The following LRRC4C variants were observed in gnomAD, a reference collection of about 807,000 sequenced individuals.
The protein encoded by LRRC4C is leucine-rich repeat-containing protein 4C.
LRRC4C carries 5 observed loss-of-function variants against 33.6 expected under a neutral mutation model. The observed-to-expected ratio is 0.15, with a 90% confidence interval of 0.08 to 0.31. The LOEUF (loss-of-function observed/expected upper bound fraction) is 0.31. Among genes scored for constraint, LRRC4C ranks in the 10% least tolerant of loss-of-function variants. The probability of loss-of-function intolerance (pLI) is 1.00; values close to 1 mark genes in which losing one functional copy is unlikely to be tolerated. For synonymous variants in LRRC4C, 329 were observed against 302.0 expected, an observed-to-expected ratio of 1.09 and a Z score of -0.93; for missense variants, 560 against 796.7, an observed-to-expected ratio of 0.70 and a Z score of 3.58.
At chr11:40,144,358 A>T (rs1857575503) in intron 5 of LRRC4C, among the ~76,000 whole-genome samples, 1 of 152,168 alleles carries the variant, frequency 6.6e-6, no homozygotes, top group Non-Finnish European at 1.5e-5. Flanking sequence ...TTGTTTATTG[A>T]GCACTGTTCG....
intron 1 of LRRC4C, among the ~76,000 whole-genome samples, chr11:41,210,467 C>G (rs1005137471): frequency 1.3e-5 from 2 of 152,144 alleles, no homozygotes; most frequent in Non-Finnish European, 2.9e-5. Flanking sequence ...ATTGTGAGCC[C>G]TCCCCAGCCA....
At position 40,552,883 on chromosome 11, in the gene LRRC4C, A is replaced by C. The variant is rs563637320; in HGVS notation, c.-270+95259T>G. ...GATGTGCCAGCCAACAAAGCTTCTG[A>C]GATGTAATAATCATTTTAGTCTTGA... On this transcript the variant is annotated intron_variant, in intron 3 of 6. Coordinates refer to ENST00000528697, the MANE Select transcript of LRRC4C (RefSeq NM_001258419.2). 3.9e-5 allele frequency among the ~76,000 whole-genome samples: 6 copies of C among 152,308 alleles called. No homozygotes were observed. The South Asian group carries it at 1.2e-3, about 32-fold the overall frequency.
chr11:41,197,727 T>C (rs1466179154), intron 1 of LRRC4C, among the ~76,000 whole-genome samples: 1 of 152,020 alleles, frequency 6.6e-6, no homozygotes, highest in Non-Finnish European at 1.5e-5. Flanking sequence ...AAGTTACTTC[T>C]CTCAAGATTT....
intron 3 of LRRC4C, among the ~76,000 whole-genome samples, chr11:40,328,793 G>A (rs765671853): frequency 2.0e-5 from 3 of 152,150 alleles, no homozygotes; most frequent in Non-Finnish European, 4.4e-5. Context: ...TATTTTATGG[G>A]TTACTTGCAT....
chr11:40,356,166 C>A (rs1947662133), intron 3 of LRRC4C, among the ~76,000 whole-genome samples: 1 of 152,006 alleles, frequency 6.6e-6, no homozygotes, highest in African/African-American at 2.4e-5. Flanking sequence ...GTTATGTGGT[C>A]TTTGCCAATT....
At chr11:40,605,395 C>T (rs1260096459) in intron 3 of LRRC4C, among the ~76,000 whole-genome samples, 1 of 152,098 alleles carries the variant, frequency 6.6e-6, no homozygotes, top group Non-Finnish European at 1.5e-5. Context: ...GACAGTTTTT[C>T]CCTACATAGA....
intron 3 of LRRC4C, among the ~76,000 whole-genome samples, chr11:40,336,638 T>G (rs1324349142): frequency 6.6e-6 from 1 of 152,040 alleles, no homozygotes; most frequent in East Asian, 1.9e-4. Flanking sequence ...AGCAGACAAA[T>G]AAATCTGAAG....
intron 1 of LRRC4C, among the ~76,000 whole-genome samples, chr11:41,393,863 A>C (rs1388906250): frequency 2.6e-5 from 4 of 151,994 alleles, no homozygotes; most frequent in Non-Finnish European, 5.9e-5. Context: ...ATGCAAGTGA[A>C]TTCCATAACA....
chr11:41,118,771 C>T (rs1193611478), intron 1 of LRRC4C, among the ~76,000 whole-genome samples: 24 of 152,042 alleles, frequency 1.6e-4, no homozygotes, highest in Non-Finnish European at 3.5e-4. Flanking sequence ...ATGCCATTGA[C>T]CTAGTTTGAG....
chr11:40,405,706 A>G (rs553220034), intron 3 of LRRC4C, among the ~76,000 whole-genome samples: 2 of 137,828 alleles, frequency 1.5e-5, no homozygotes, highest in South Asian at 5.5e-4. Context: ...TTTCTTTTTG[A>G]GGAACTTACA....
intron 1 of LRRC4C, among the ~76,000 whole-genome samples, chr11:41,056,601 G>A (rs188279522): frequency 5.3e-4 from 81 of 152,154 alleles, no homozygotes; most frequent in South Asian, 2.5e-3. Flanking sequence ...AGTGGGCAAA[G>A]ACATGAACAG....
intron 3 of LRRC4C, among the ~76,000 whole-genome samples, chr11:40,495,784 T>G (rs1330211218): frequency 1.4e-5 from 2 of 147,676 alleles, no homozygotes; most frequent in Non-Finnish European, 1.5e-5. Flanking sequence ...ACTTGGGACA[T>G]CGATTTTATT....
intron 1 of LRRC4C, among the ~76,000 whole-genome samples, chr11:41,133,246 G>A (rs10837579): frequency 0.27 from 40,303 of 151,844 alleles, 6,111 homozygotes; most frequent in East Asian, 0.43. Flanking sequence ...CCCTCTGGGC[G>A]GCCTCATCCA....
intron 3 of LRRC4C, among the ~76,000 whole-genome samples, chr11:40,502,254 G>C (rs1242585438): frequency 6.6e-6 from 1 of 152,154 alleles, no homozygotes; most frequent in Non-Finnish European, 1.5e-5. Flanking sequence ...CTTCTTCTGA[G>C]TCATCCAAAA....
chr11:41,001,043 AAGAC>A (rs974418831), intron 1 of LRRC4C, among the ~76,000 whole-genome samples: 38 of 152,250 alleles, frequency 2.5e-4, no homozygotes, highest in African/African-American at 9.1e-4. Flanking sequence ...AATTATATGA[AAGAC>A]AGAGTTATTT....
intron 2 of LRRC4C, among the ~76,000 whole-genome samples, chr11:40,777,124 C>A (rs7940017): frequency 0.78 from 118,032 of 152,128 alleles, 45,938 homozygotes; most frequent in Middle Eastern, 0.85. Flanking sequence ...GAATTTATTG[C>A]GACTTGCTTT....
chr11:40,456,924 A>G (rs1232110428), intron 3 of LRRC4C, among the ~76,000 whole-genome samples: 1 of 151,756 alleles, frequency 6.6e-6, no homozygotes, highest in Non-Finnish European at 1.5e-5. Flanking sequence ...GGAAGGGGAA[A>G]AAAAAGAAAA....
intron 1 of LRRC4C, among the ~76,000 whole-genome samples, chr11:41,155,342 C>T (rs773326106): frequency 1.3e-5 from 2 of 152,104 alleles, no homozygotes; most frequent in Non-Finnish European, 2.9e-5. Flanking sequence ...TTAGCAAGAA[C>T]ATATTTTACA....
chr11:40,321,024 T>G (rs377142214), intron 3 of LRRC4C, among the ~76,000 whole-genome samples: 1 of 152,210 alleles, frequency 6.6e-6, no homozygotes, highest in Non-Finnish European at 1.5e-5. Context: ...CAATTTTATT[T>G]TTAACTCAAA....
Sources: allele counts gnomAD v4.1 joint callset (sites outside exome capture counted in the v4.1 genomes callset), GRCh38; gene constraint gnomAD v4.1.1; transcripts MANE v1.5; gene names NCBI Gene and HGNC (gene_info 2026-07-23, HGNC 2026-07-21).